The following LTBP1 variants were observed in gnomAD, a reference collection of about 807,000 sequenced individuals.
LTBP1 encodes latent transforming growth factor beta binding protein 1, also known as latent-transforming growth factor beta-binding protein 1.
Under a neutral mutation model 207.6 loss-of-function variants are expected in LTBP1, and 129 were observed. The ratio of observed to expected loss-of-function variants is 0.62; its 90% confidence interval spans 0.54 to 0.72. The LOEUF (loss-of-function observed/expected upper bound fraction) is 0.72. Ranked by LOEUF, LTBP1 falls within the 30% of genes least tolerant of loss-of-function variation. The pLI is 0.00. For synonymous variants in LTBP1, 963 were observed against 833.7 expected (o/e 1.16, Z -2.67); for missense variants, 2,281 against 2,217.2 (o/e 1.03, Z -0.58).
chr2:33,370,483 AGCT>A (rs923763562), intron 31 of LTBP1, among the ~76,000 whole-genome samples: 1 of 152,246 alleles, frequency 6.6e-6, no homozygotes, highest in South Asian at 2.1e-4. Flanking sequence ...ATAAGTCCCA[AGCT>A]GCTGCTGCTG....
At chr2:33,287,722 A>T (rs1299196657) in intron 19 of LTBP1, among the ~76,000 whole-genome samples, 2 of 152,244 alleles carry the variant, frequency 1.3e-5, no homozygotes, top group African/African-American at 4.8e-5. Context: ...AGTTCTGCAA[A>T]GCCGTGATGA....
At chr2:33,356,616 C>T (rs2094864840) in intron 26 of LTBP1, among the ~76,000 whole-genome samples, 1 of 152,160 alleles carries the variant, frequency 6.6e-6, no homozygotes, top group African/African-American at 2.4e-5. Flanking sequence ...ATCCACTGCA[C>T]TCCAGCCTGG....
At chr2:32,991,496 GAT>G (rs1171230912) in intron 2 of LTBP1, among the ~76,000 whole-genome samples, 1 of 152,188 alleles carries the variant, frequency 6.6e-6, no homozygotes, top group African/African-American at 2.4e-5. Context: ...AGGCTTTCAT[GAT>G]AAAAATAAGG....
At chr2:33,260,734 G>A (rs867635158) in intron 13 of LTBP1, among the ~76,000 whole-genome samples, 1 of 152,196 alleles carries the variant, frequency 6.6e-6, no homozygotes, top group Non-Finnish European at 1.5e-5. Context: ...CAGTCACAGC[G>A]AGTAGTTTGC....
In LTBP1 at chr2:33,398,652, C is replaced by A; in HGVS notation, c.*107C>A. ...CACCTACCCCGGAAGGCTGGAAATA[C>A]AGAAACAGCATGGAATTGCAAGTCC... On this transcript the variant is annotated 3_prime_UTR_variant, in exon 34 of 34. Transcript: ENST00000404816. The A allele has an allele frequency of 1.8e-6, 2 of 1,136,780 alleles. No homozygotes were observed. Among genetic ancestry groups the A allele is most frequent in the Admixed American group, 2.9e-5 (1 of 34,502 alleles). The allele number at this position is 1,136,780 out of a possible 1,614,324, so 70.4% of individuals were successfully genotyped here.
chr2:32,950,420 G>A (rs1055535726), intron 2 of LTBP1, among the ~76,000 whole-genome samples: 2 of 152,122 alleles, frequency 1.3e-5, no homozygotes, highest in African/African-American at 4.8e-5. Context: ...TTAGCCAGGT[G>A]TGGTGTTGTG....
intron 2 of LTBP1, among the ~76,000 whole-genome samples, chr2:32,965,361 A>G (rs1259147972): frequency 2.0e-5 from 3 of 152,186 alleles, no homozygotes; most frequent in Admixed American, 6.5e-5. Flanking sequence ...AGTTTATATT[A>G]GGGTTCACTC....
In LTBP1 at chr2:33,348,230, T is replaced by C. The variant is rs541772982; in HGVS notation, c.4000+720T>C. Among the ~76,000 whole-genome samples the C allele has an allele frequency of 4.2e-4, 64 of 152,278 alleles. 1 individual carries two copies. The highest frequency in any genetic ancestry group is 1.9e-3 in the Admixed American group (29 of 15,292). On this transcript the variant is annotated intron_variant, in intron 26 of 33. Transcript: ENST00000404816. ...CCATTTTTTTTTCTTTCTCAGTCAG[T>C]TTTATCCATGCTTCCATAATAGCTT...
intron 4 of LTBP1, among the ~76,000 whole-genome samples, chr2:33,111,396 G>A (rs925073464): frequency 6.6e-6 from 1 of 152,192 alleles, no homozygotes; most frequent in Non-Finnish European, 1.5e-5. Context: ...CTGGAGTAAG[G>A]CGCAGCCCAT....
At chr2:33,338,170 C>T (rs1244407114) in intron 24 of LTBP1, among the ~76,000 whole-genome samples, 1 of 152,156 alleles carries the variant, frequency 6.6e-6, no homozygotes, top group Non-Finnish European at 1.5e-5. Flanking sequence ...TAGTTTCCAG[C>T]AGGCATTCCA....
intron 32 of LTBP1, among the ~76,000 whole-genome samples, chr2:33,394,572 CA>C (rs2095342967): frequency 6.6e-6 from 1 of 152,144 alleles, no homozygotes; most frequent in Admixed American, 6.5e-5. Context: ...ATCCTTTCCC[CA>C]TTTCTTGTTT....
At chr2:33,262,944 G>C in intron 14 of LTBP1, 123 bp downstream of exon 14, 1 of 602,338 alleles carries the variant, frequency 1.7e-6, no homozygotes. Context: ...TCAGTGTTAA[G>C]TATAGTAATA....
intron 19 of LTBP1, among the ~76,000 whole-genome samples, chr2:33,291,215 A>G (rs1011356279): frequency 1.2e-4 from 18 of 152,370 alleles, no homozygotes; most frequent in Admixed American, 4.6e-4. Flanking sequence ...AGTAGCCTAG[A>G]AAAATAGAAG....
chr2:33,003,120 A>C (rs1007704034), intron 2 of LTBP1, among the ~76,000 whole-genome samples: 1 of 152,214 alleles, frequency 6.6e-6, no homozygotes, highest in Non-Finnish European at 1.5e-5. Flanking sequence ...GTTCTGTTAA[A>C]ATGGGGTCGT....
chr2:33,190,237 T>C (rs2087707412), intron 7 of LTBP1, among the ~76,000 whole-genome samples: 1 of 152,206 alleles, frequency 6.6e-6, no homozygotes, highest in Non-Finnish European at 1.5e-5. Context: ...TTCTGTGGTT[T>C]CCCTCCTGTC....
chr2:33,340,118 C>T (rs1461284059), intron 24 of LTBP1, among the ~76,000 whole-genome samples: 2 of 151,674 alleles, frequency 1.3e-5, no homozygotes, highest in African/African-American at 4.8e-5. Context: ...ATTAGCCAGG[C>T]GTGGTGGCGA....
intron 24 of LTBP1, among the ~76,000 whole-genome samples, chr2:33,342,000 G>C (rs2149671707): frequency 6.6e-6 from 1 of 152,248 alleles, no homozygotes; most frequent in East Asian, 1.9e-4. Context: ...AGAGAGCAGA[G>C]TACCAGGTGA....
intron 2 of LTBP1, among the ~76,000 whole-genome samples, chr2:32,962,203 G>A (rs1572840917): frequency 6.6e-6 from 1 of 151,910 alleles, no homozygotes; most frequent in Non-Finnish European, 1.5e-5. Context: ...CCTAGAAGTT[G>A]GTTTGAAAAT....
chr2:33,119,384 A>C (rs2080969363), intron 4 of LTBP1, among the ~76,000 whole-genome samples: 1 of 152,194 alleles, frequency 6.6e-6, no homozygotes, highest in Non-Finnish European at 1.5e-5. Flanking sequence ...GATTCAAAAT[A>C]AAATAGGCCC....
Sources: allele counts gnomAD v4.1 joint callset (sites outside exome capture counted in the v4.1 genomes callset), GRCh38; gene constraint gnomAD v4.1.1; transcripts MANE v1.5; gene names NCBI Gene and HGNC (gene_info 2026-07-23, HGNC 2026-07-21).